The following NR2F1-AS1 variants were observed in gnomAD, a reference collection of about 807,000 sequenced individuals.
NR2F1-AS1 encodes the protein NR2F1 regulatory antisense RNA 1, also known as NR2F1 antisense RNA 1.
intron 4 of NR2F1-AS1, among the ~76,000 whole-genome samples, chr5:93,510,280 T>G (rs1007917318): frequency 6.6e-6 from 1 of 152,170 alleles, no homozygotes; most frequent in Non-Finnish European, 1.5e-5. Context: ...CTGATTTCAC[T>G]GCAATTCTTT....
intron 4 of NR2F1-AS1, among the ~76,000 whole-genome samples, chr5:93,460,663 C>T (rs559673360): frequency 3.9e-5 from 6 of 152,128 alleles, no homozygotes; most frequent in African/African-American, 1.4e-4. Context: ...AAAATTTCAG[C>T]CACCCAAAGG....
chr5:93,557,352 A>T (rs1394972785), intron 2 of NR2F1-AS1, among the ~76,000 whole-genome samples: 1 of 152,124 alleles, frequency 6.6e-6, no homozygotes, highest in Non-Finnish European at 1.5e-5. Context: ...TTCAATTCAA[A>T]TCCTTGCTCT....
intron 4 of NR2F1-AS1, among the ~76,000 whole-genome samples, chr5:93,447,303 G>A (rs1244032473): frequency 6.6e-5 from 10 of 151,734 alleles, no homozygotes; most frequent in African/African-American, 9.7e-5. Flanking sequence ...CAATCTACCC[G>A]TCTGACAAAG....
intron 4 of NR2F1-AS1, among the ~76,000 whole-genome samples, chr5:93,436,522 C>T (rs1232746082): frequency 6.6e-6 from 1 of 152,096 alleles, no homozygotes; most frequent in Non-Finnish European, 1.5e-5. Flanking sequence ...TTTCTAAAAC[C>T]ACTAACATAT....
chr5:93,412,563 G>C (rs573561571), intron 4 of NR2F1-AS1, among the ~76,000 whole-genome samples: 2 of 152,164 alleles, frequency 1.3e-5, no homozygotes, highest in African/African-American at 2.4e-5. Context: ...TCATTTCTCC[G>C]TTTTCCTAGT....
intron 4 of NR2F1-AS1, among the ~76,000 whole-genome samples, chr5:93,447,165 A>G (rs1749731052): frequency 6.6e-6 from 1 of 152,206 alleles, no homozygotes; most frequent in South Asian, 2.1e-4. Flanking sequence ...TGACTAAAAC[A>G]CCAAAAGCAA....
intron 4 of NR2F1-AS1, among the ~76,000 whole-genome samples, chr5:93,503,505 T>C (rs1041192373): frequency 7.2e-5 from 11 of 152,326 alleles, no homozygotes; most frequent in Admixed American, 2.6e-4. Context: ...TAGAACAAAC[T>C]GTTTGCAATG....
chr5:93,515,152 T>C (rs1376927262), intron 4 of NR2F1-AS1, among the ~76,000 whole-genome samples: 2 of 152,002 alleles, frequency 1.3e-5, no homozygotes, highest in Non-Finnish European at 1.5e-5. Flanking sequence ...TATGGACTTA[T>C]TCCACTGATT....
chr5:93,440,235 CAGAG>C (rs1173079949), intron 4 of NR2F1-AS1, among the ~76,000 whole-genome samples: 1 of 151,690 alleles, frequency 6.6e-6, no homozygotes, highest in African/African-American at 2.4e-5. Context: ...CACACACACA[CAGAG>C]AAAGTTAATT....
At chr5:93,585,051 G>T (rs1208119157), upstream of NR2F1-AS1, 1 of 1,036,182 alleles carries the variant, frequency 9.7e-7, no homozygotes, top group Non-Finnish European at 1.2e-6. Flanking sequence ...CAGCTGGCGA[G>T]ATCCGCAGGA....
At chr5:93,467,470 A>G (rs1750263077) in intron 4 of NR2F1-AS1, among the ~76,000 whole-genome samples, 1 of 151,924 alleles carries the variant, frequency 6.6e-6, no homozygotes, top group Non-Finnish European at 1.5e-5. Context: ...CCACACATAA[A>G]TTTGTCTCTC....
chr5:93,481,265 A>G (rs182510723), intron 4 of NR2F1-AS1, among the ~76,000 whole-genome samples: 1 of 152,208 alleles, frequency 6.6e-6, no homozygotes, highest in East Asian at 1.9e-4. Flanking sequence ...AACTATTGCA[A>G]AAGACAAAGA....
intron 4 of NR2F1-AS1, among the ~76,000 whole-genome samples, chr5:93,463,573 T>C (rs1013269972): frequency 6.6e-6 from 1 of 152,028 alleles, no homozygotes; most frequent in Non-Finnish European, 1.5e-5. Flanking sequence ...GCTTGCACCA[T>C]GTGCCTGGAA....
At chr5:93,534,429 TCAA>T (rs1025319752) in intron 4 of NR2F1-AS1, among the ~76,000 whole-genome samples, 34 of 152,150 alleles carry the variant, frequency 2.2e-4, no homozygotes, top group Admixed American at 3.9e-4. Flanking sequence ...TATTATTCAC[TCAA>T]CAACAATTCA....
At chr5:93,498,647 A>C (rs1751014171) in intron 4 of NR2F1-AS1, among the ~76,000 whole-genome samples, 1 of 152,162 alleles carries the variant, frequency 6.6e-6, no homozygotes, top group South Asian at 2.1e-4. Context: ...CCAATACTAG[A>C]TGCAGTTTCA....
At chr5:93,549,389 CAAAG>C (rs1298342309) in intron 4 of NR2F1-AS1, among the ~76,000 whole-genome samples, 1 of 151,894 alleles carries the variant, frequency 6.6e-6, no homozygotes, top group East Asian at 1.9e-4. Flanking sequence ...CAAAGGAAAA[CAAAG>C]AAAGTAAGGG....
At chr5:93,480,435 A>G (rs1750576813) in intron 4 of NR2F1-AS1, among the ~76,000 whole-genome samples, 2 of 152,298 alleles carry the variant, frequency 1.3e-5, no homozygotes, top group South Asian at 4.1e-4. Context: ...AAAAATGAAG[A>G]GGAAATTAAG....
chr5:93,454,851 T>C (rs1188597867), intron 4 of NR2F1-AS1, among the ~76,000 whole-genome samples: 1 of 152,170 alleles, frequency 6.6e-6, no homozygotes, highest in Non-Finnish European at 1.5e-5. Context: ...TGGAGGGTGG[T>C]GCACCCTGAG....
chr5:93,429,076 G>GTCACTAAAGGCAGC (rs751934562), intron 4 of NR2F1-AS1, among the ~76,000 whole-genome samples: 5 of 152,148 alleles, frequency 3.3e-5, no homozygotes, highest in Non-Finnish European at 7.4e-5. Flanking sequence ...GTCATGTGCA[G>GTCACTAAAGGCAGC]TCACTAAAGG....
Sources: gnomAD v4.1 joint callset for allele counts (sites outside exome capture counted in the v4.1 genomes callset) on GRCh38, gnomAD v4.1.1 for gene constraint, MANE v1.5 for transcripts, NCBI Gene and HGNC (gene_info 2026-07-23, HGNC 2026-07-21) for gene names.